The following CP variants were observed in gnomAD, a reference collection of about 807,000 sequenced individuals.
CP encodes the protein caeruloplasmin.
A neutral mutation model predicts 122.4 loss-of-function variants in CP; 64 were observed. The ratio of observed to expected loss-of-function variants is 0.52; its 90% CI spans 0.43 to 0.64. CP has a LOEUF of 0.64. CP is among the 30% of genes least tolerant of loss of function. The pLI, the probability that CP is intolerant of heterozygous loss-of-function variation, is 0.00. For missense variants in CP, 1,167 were observed against 1,284.4 expected (o/e 0.91, Z 1.40); for synonymous variants, 440 against 436.4 (o/e 1.01, Z -0.10).
At chr3:149,162,517 C>T (rs1168567087) in exon 6 of CP, 7 of 920,222 alleles carry the variant, frequency 7.6e-6, no homozygotes, top group Non-Finnish European at 1.2e-5. Flanking sequence ...ATTTGTACAT[C>T]CTAGAATCTG....
chr3:149,185,316 G>A lies in CP; in HGVS notation c.2208C>T (p.Ile736=), dbSNP rs779813474. 5.6e-6 allele frequency: 9 copies of A among 1,614,004 alleles called. No individual in the cohort carries two copies. The highest frequency in any genetic ancestry group is 1.1e-5 in the South Asian group (1 of 91,066). Reference sequence around the variant, plus strand: ...AATCCCATTCCACCTCCACTGCTGCGATATAGTATGTCCTCTCTCCCAGGT... The same window carrying A: ...AATCCCATTCCACCTCCACTGCTGCAATATAGTATGTCCTCTCTCCCAGGT... The part of the protein sequence containing the change: ...TFYLGERTYY[I]AAVEVEWDYS... Residue 736 remains isoleucine (I), a synonymous_variant, in exon 12 of 19, where the codon ATC becomes ATT. Transcript: ENST00000264613.
chr3:149,200,309 T>C (rs945710543), intron 7 of CP, among the ~76,000 whole-genome samples: 2 of 152,128 alleles, frequency 1.3e-5, no homozygotes, highest in Non-Finnish European at 2.9e-5. Context: ...AAATTAATGA[T>C]TACCAATTAT....
chr3:149,171,994 C>CA, downstream of CP: 1 of 1,188,262 alleles, frequency 8.4e-7, no homozygotes, highest in Non-Finnish European at 1.2e-6. Context: ...CGTGAGCCAC[C>CA]ACGCCTGGCC....
intron 7 of CP, among the ~76,000 whole-genome samples, chr3:149,201,421 C>T (rs972427180): frequency 1.3e-5 from 2 of 151,704 alleles, no homozygotes; most frequent in African/African-American, 4.8e-5. Flanking sequence ...ACGCCTGGCC[C>T]TAGCCTGGGT....
At chr3:149,177,639 C>CT in intron 17 of CP, 5 of 636,624 alleles carry the variant, frequency 7.9e-6, no homozygotes, top group Non-Finnish European at 1.1e-5. Flanking sequence ...CCAAGTTTTG[C>CT]TTTTTGGAAC....
intron 10 of CP, 69 bp from the exon 11 acceptor site, chr3:149,186,801 T>G: frequency 6.9e-7 from 1 of 1,442,888 alleles, no homozygotes. Context: ...TCACAGACTT[T>G]CCAGGACCAA....
At chr3:149,172,239 A>T, downstream of CP, 3 of 1,610,344 alleles carry the variant, frequency 1.9e-6, no homozygotes, top group Non-Finnish European at 2.5e-6. Context: ...CATTTGAAAA[A>T]TACCATAATG....
rs1271331124 is a variant in CP, at chr3:149,178,701, A to C, written c.2662-70T>G. 1.3e-5 allele frequency: 15 copies of C among 1,141,766 alleles called. No homozygotes were observed. In the East Asian group the frequency reaches 3.3e-4, roughly 25 times the overall value. 70.7% of individuals were successfully genotyped at this position (1,141,766 alleles called of 1,614,324 possible). On this transcript the variant is annotated intron_variant, in intron 15 of 18. Transcript: ENST00000264613. ...GGATTTCAGAGAACTGAGACTTTGC[A>C]CCCAGGGCCTCAGGAATTTTGGAGA...
intron 9 of CP, among the ~76,000 whole-genome samples, chr3:149,191,135 T>C (rs1726522894): frequency 6.6e-6 from 1 of 152,138 alleles, no homozygotes; most frequent in Non-Finnish European, 1.5e-5. Flanking sequence ...TTCCCTTTGC[T>C]TTCCTCTCAG....
intron 13 of CP, among the ~76,000 whole-genome samples, 179 bp from the exon 14 acceptor site, chr3:149,182,312 T>C (rs1238053083): frequency 6.6e-6 from 1 of 152,094 alleles, no homozygotes; most frequent in African/African-American, 2.4e-5. Context: ...TGGAGACCAT[T>C]TGTTTATCTC....
At chr3:149,217,867 G>T (rs780326407) in intron 1 of CP, 3 of 445,138 alleles carry the variant, frequency 6.7e-6, no homozygotes, top group South Asian at 4.9e-5. Flanking sequence ...TATGATTACC[G>T]TAAGGTGGAA....
chr3:149,181,234 C>T (rs1725753118), intron 14 of CP, among the ~76,000 whole-genome samples: 1 of 152,180 alleles, frequency 6.6e-6, no homozygotes, highest in Non-Finnish European at 1.5e-5. Flanking sequence ...CCCTTGTGTG[C>T]TTTTCTTTAG....
At chr3:149,220,152 A>G (rs1012444187) in intron 1 of CP, among the ~76,000 whole-genome samples, 3 of 152,190 alleles carry the variant, frequency 2.0e-5, no homozygotes, top group Admixed American at 1.3e-4. Context: ...ACCAAATTCT[A>G]AACAAACTCC....
intron 13 of CP, among the ~76,000 whole-genome samples, chr3:149,182,644 G>T (rs866821364): frequency 6.6e-6 from 1 of 152,144 alleles, no homozygotes; most frequent in Non-Finnish European, 1.5e-5. Flanking sequence ...TGTTGCTCGA[G>T]TTCTAGACAT....
chr3:149,169,635 A>G (rs1724783692), downstream of CP, among the ~76,000 whole-genome samples: 1 of 152,216 alleles, frequency 6.6e-6, no homozygotes, highest in Admixed American at 6.5e-5. Flanking sequence ...TATAACAAAC[A>G]AAAATGTCTC....
intron 1 of CP, among the ~76,000 whole-genome samples, chr3:149,218,366 T>C (rs530883595): frequency 6.6e-6 from 1 of 152,336 alleles, no homozygotes; most frequent in Admixed American, 6.5e-5. Context: ...TACTTACTGA[T>C]GTGTTGAAGT....
At chr3:149,214,915 A>C (rs1728357396) in intron 1 of CP, among the ~76,000 whole-genome samples, 1 of 152,214 alleles carries the variant, frequency 6.6e-6, no homozygotes, top group Admixed American at 6.5e-5. Flanking sequence ...TAGGTACACA[A>C]CTGCAGCTGC....
intron 6 of CP, 38 bp downstream of exon 6, chr3:149,206,130 A>G (rs1293244359): frequency 6.3e-7 from 1 of 1,591,666 alleles, no homozygotes; most frequent in South Asian, 1.1e-5. Flanking sequence ...TGCGGGGGAG[A>G]GCATATTTTG....
chr3:149,178,035 A>G (rs767430699), intron 16 of CP, 56 bp from the exon 17 acceptor site: 70 of 1,475,530 alleles, frequency 4.7e-5, no homozygotes, highest in Non-Finnish European at 6.4e-5. Context: ...ACCAATAGCT[A>G]TTTCAAAGAA....
Sources: gnomAD v4.1 joint callset for allele counts (sites outside exome capture counted in the v4.1 genomes callset) on GRCh38, gnomAD v4.1.1 for gene constraint, MANE v1.5 for transcripts, NCBI Gene and HGNC (gene_info 2026-07-23, HGNC 2026-07-21) for gene names.